Variants in JARID2 observed in about 807,000 individuals in gnomAD.
JARID2 encodes jumonji and AT-rich interaction domain containing 2.
Under a neutral mutation model 125.6 loss-of-function variants are expected in JARID2, and 21 were observed. The observed-to-expected ratio is 0.17, with a 90% CI of 0.12 to 0.24. The LOEUF (loss-of-function observed/expected upper bound fraction) is 0.24, where lower values mean the gene tolerates loss of function less well. Ranked by LOEUF, JARID2 falls within the 10% of genes least tolerant of loss-of-function variation. The probability of loss-of-function intolerance (pLI) is 1.00; values close to 1 mark genes in which losing one functional copy is unlikely to be tolerated. For synonymous variants in JARID2, 736 were observed against 661.6 expected, an observed-to-expected ratio of 1.11 and a Z score of -1.73; for missense variants, 1,303 against 1,639.6, an observed-to-expected ratio of 0.79 and a Z score of 3.55.
intron 1 of JARID2, among the ~76,000 whole-genome samples, chr6:15,286,339 G>C (rs1172739586): frequency 6.8e-6 from 1 of 146,430 alleles, no homozygotes; most frequent in Non-Finnish European, 1.5e-5. Context: ...TGCAACCTCT[G>C]CTTCCCGGAT....
At chr6:15,491,929 T>C (rs1391843393) in intron 6 of JARID2, among the ~76,000 whole-genome samples, 10 of 152,214 alleles carry the variant, frequency 6.6e-5, no homozygotes. Flanking sequence ...CTTTCATATC[T>C]CTCACCTTAT....
intron 1 of JARID2, among the ~76,000 whole-genome samples, chr6:15,368,045 A>G (rs531211296): frequency 1.1e-4 from 17 of 152,242 alleles, no homozygotes; most frequent in Non-Finnish European, 1.6e-4. Context: ...GGGTGATCCA[A>G]CCAACCTTGA....
intron 1 of JARID2, among the ~76,000 whole-genome samples, chr6:15,366,485 C>T (rs1042740581): frequency 5.9e-5 from 6 of 101,864 alleles, no homozygotes; most frequent in East Asian, 3.1e-4. Context: ...AGAGCTCTAG[C>T]GATCTCTATA....
Position 15,512,988 on chromosome 6 carries a change from C to T in JARID2, c.3209C>T (p.Ala1070Val). The T allele has an allele frequency of 6.2e-7, 1 of 1,613,634 alleles. No individual in the cohort carries two copies. Among genetic ancestry groups the T allele is most frequent in the Non-Finnish European group, 8.5e-7 (1 of 1,179,876 alleles). The change falls in exon 15 of 18, where the codon GCA becomes GTA. Residue 1070 changes from alanine to valine, a missense_variant. This residue lies in a region of JARID2 where 190 missense variants were observed against 341.4 expected (regional missense o/e 0.56). Coordinates refer to ENST00000341776, the MANE Select transcript of JARID2 (RefSeq NM_004973.4). ...CTCTACCAGATTGCACAAGCAGAAG[C>T]AAAAAAAGAAAACGGTCCCACTCTC... ...KLLYQIAQAE[A>V]KKENGPTLST...
intron 6 of JARID2, among the ~76,000 whole-genome samples, chr6:15,494,957 C>T (rs983558281): frequency 6.6e-6 from 1 of 151,992 alleles, no homozygotes; most frequent in African/African-American, 2.4e-5. Context: ...GAAGAGGGGG[C>T]TAGTATTCTG....
Position 15,521,797 on chromosome 6 carries a change from CAAGT to C in JARID2, c.*1547_*1550del, listed in dbSNP as rs1771870996. 1.3e-5 allele frequency: 2 copies of C among 152,176 alleles called. 1 individual carries two copies. Among genetic ancestry groups the C allele is most frequent in the East Asian group, 3.8e-4 (2 of 5,200 alleles). 9.4% of individuals were successfully genotyped at this position (152,176 alleles called of 1,614,324 possible). A position where few individuals can be genotyped will look rare whatever the true frequency, so the allele number is the denominator to read the frequency against. On this transcript the variant is annotated 3_prime_UTR_variant, in exon 18 of 18. Transcript: ENST00000341776. The stretch of plus-strand genomic sequence containing the variant: ...AATATTTAACAATTACAGAAACAGT[CAAGT>C]GTTTTCCAATGTGGTTGTCCGGTTT...
intron 6 of JARID2, among the ~76,000 whole-genome samples, chr6:15,493,756 T>G (rs1023241749): frequency 6.6e-6 from 1 of 152,052 alleles, no homozygotes; most frequent in African/African-American, 2.4e-5. Context: ...TTTTGTCTTG[T>G]TTTGGTTTTA....
chr6:15,265,988 C>T (rs994387214), intron 1 of JARID2, among the ~76,000 whole-genome samples: 1 of 152,152 alleles, frequency 6.6e-6, no homozygotes, highest in South Asian at 2.1e-4. Flanking sequence ...GTGCTTCCTT[C>T]CTCCCAGCTG....
At chr6:15,262,039 G>A (rs559634036) in intron 1 of JARID2, among the ~76,000 whole-genome samples, 7 of 149,820 alleles carry the variant, frequency 4.7e-5, no homozygotes, top group Non-Finnish European at 5.9e-5. Context: ...CTCAACCTCC[G>A]AAAGTGCTGG....
chr6:15,300,839 C>T (rs1235665746), intron 1 of JARID2, among the ~76,000 whole-genome samples: 1 of 151,844 alleles, frequency 6.6e-6, no homozygotes, highest in African/African-American at 2.4e-5. Flanking sequence ...ACCATGAGGA[C>T]TCTGGTGTTG....
At chr6:15,291,440 T>C (rs1021573817) in intron 1 of JARID2, among the ~76,000 whole-genome samples, 4 of 152,212 alleles carry the variant, frequency 2.6e-5, no homozygotes, top group Admixed American at 2.6e-4. Flanking sequence ...CAATCTGTTT[T>C]CCCCTCCTGT....
At chr6:15,312,544 C>G (rs999675448) in intron 1 of JARID2, among the ~76,000 whole-genome samples, 8 of 152,222 alleles carry the variant, frequency 5.3e-5, no homozygotes, top group African/African-American at 1.9e-4. Flanking sequence ...CAGCGCCGAC[C>G]TGCCTTCTTG....
At chr6:15,426,102 G>A (rs1216170241) in intron 3 of JARID2, among the ~76,000 whole-genome samples, 1 of 152,152 alleles carries the variant, frequency 6.6e-6, no homozygotes, top group Non-Finnish European at 1.5e-5. Flanking sequence ...AACATGATGA[G>A]CTTCTTGAGT....
At chr6:15,290,795 T>A (rs1761177287) in intron 1 of JARID2, among the ~76,000 whole-genome samples, 1 of 152,160 alleles carries the variant, frequency 6.6e-6, no homozygotes, top group African/African-American at 2.4e-5. Flanking sequence ...ATTTTTTTTG[T>A]ATTTTTAGTA....
chr6:15,415,000 G>C (rs1766073753), intron 3 of JARID2, among the ~76,000 whole-genome samples: 1 of 152,134 alleles, frequency 6.6e-6, no homozygotes, highest in African/African-American at 2.4e-5. Context: ...CTTGAGATTA[G>C]GGAGTGGTGA....
At chr6:15,483,824 A>C in intron 5 of JARID2, among the ~76,000 whole-genome samples, 1 of 152,180 alleles carries the variant, frequency 6.6e-6, no homozygotes, top group East Asian at 1.9e-4. Flanking sequence ...TTGAGGAGCT[A>C]TCTGAAAAGG....
intron 1 of JARID2, among the ~76,000 whole-genome samples, chr6:15,310,982 T>G (rs761925539): frequency 6.6e-6 from 1 of 152,128 alleles, no homozygotes; most frequent in Non-Finnish European, 1.5e-5. Flanking sequence ...ATGGGAACCG[T>G]CATAGAGTGA....
intron 3 of JARID2, among the ~76,000 whole-genome samples, chr6:15,438,477 G>C (rs1257129621): frequency 6.6e-6 from 1 of 152,186 alleles, no homozygotes; most frequent in African/African-American, 2.4e-5. Context: ...GAGCGTAGAA[G>C]GATGTAGTTC....
At chr6:15,371,424 G>C (rs1489209995) in intron 1 of JARID2, among the ~76,000 whole-genome samples, 1 of 152,214 alleles carries the variant, frequency 6.6e-6, no homozygotes, top group Non-Finnish European at 1.5e-5. Context: ...ATAGGAACCT[G>C]GTGGTGATGA....
Sources: allele counts gnomAD v4.1 joint callset (sites outside exome capture counted in the v4.1 genomes callset), GRCh38; gene constraint gnomAD v4.1.1; regional missense constraint gnomAD v4.1.1; transcripts MANE v1.5; gene names NCBI Gene and HGNC (gene_info 2026-07-23, HGNC 2026-07-21).